Variants in SMIM36 observed in about 807,000 individuals in gnomAD.
SMIM36 encodes the protein small integral membrane protein 36.
At chr17:55,464,312 A>G (rs1909198061) in intron 4 of SMIM36, among the ~76,000 whole-genome samples, 1 of 152,136 alleles carries the variant, frequency 6.6e-6, no homozygotes. Flanking sequence ...GTTAATGAAC[A>G]AGCTCGACCT....
At chr17:55,485,502 T>G (rs935269090) in intron 1 of SMIM36, among the ~76,000 whole-genome samples, 1 of 151,450 alleles carries the variant, frequency 6.6e-6, no homozygotes, top group African/African-American at 2.4e-5. Flanking sequence ...TTGCCCTGGC[T>G]GGAGTTGAAC....
intron 1 of SMIM36, among the ~76,000 whole-genome samples, chr17:55,507,880 C>T (rs1910106366): frequency 6.6e-6 from 1 of 152,156 alleles, no homozygotes; most frequent in African/African-American, 2.4e-5. Flanking sequence ...AAAGATGATT[C>T]CTCTTTCGTC....
chr17:55,486,123 C>A (rs1448004705), intron 1 of SMIM36, among the ~76,000 whole-genome samples: 1 of 151,496 alleles, frequency 6.6e-6, no homozygotes, highest in African/African-American at 2.4e-5. Context: ...GCAACCTCGC[C>A]TCCCGGGTTC....
intron 4 of SMIM36, among the ~76,000 whole-genome samples, chr17:55,462,221 T>A (rs1481759749): frequency 6.6e-6 from 1 of 152,196 alleles, no homozygotes; most frequent in Admixed American, 6.5e-5. Context: ...TAATTAATAC[T>A]TATTAATACT....
chr17:55,485,899 A>G (rs1909597403), intron 1 of SMIM36, among the ~76,000 whole-genome samples: 1 of 152,142 alleles, frequency 6.6e-6, no homozygotes, highest in Non-Finnish European at 1.5e-5. Context: ...TAGCATCCAT[A>G]TATATTCTTA....
chr17:55,501,364 AATATATT>A (rs1304929465), intron 1 of SMIM36, among the ~76,000 whole-genome samples: 2 of 81,102 alleles, frequency 2.5e-5, no homozygotes, highest in South Asian at 6.6e-4. Context: ...TATAATATAT[AATATATT>A]ATATATTATA....
chr17:55,453,553 C>T (rs1908963151), intron 4 of SMIM36, among the ~76,000 whole-genome samples: 1 of 152,126 alleles, frequency 6.6e-6, no homozygotes, highest in African/African-American at 2.4e-5. Context: ...TATTTTTAAA[C>T]TTTTTATTCA....
intron 4 of SMIM36, among the ~76,000 whole-genome samples, chr17:55,452,268 T>C (rs1015296801): frequency 6.6e-6 from 1 of 152,192 alleles, no homozygotes; most frequent in African/African-American, 2.4e-5. Context: ...TAGAGAACTC[T>C]TGGTGTAGAA....
chr17:55,508,896 C>A (rs1160942623), intron 1 of SMIM36, among the ~76,000 whole-genome samples: 1 of 139,900 alleles, frequency 7.1e-6, no homozygotes, highest in Non-Finnish European at 1.5e-5. Flanking sequence ...GCACTTCAGC[C>A]TGGGTGATAA....
At chr17:55,528,176 T>A in the SMIM36 span, 6 of 152,258 alleles carry the variant, frequency 3.9e-5, no homozygotes. Context: ...TACATTGTGT[T>A]ATCTCATTGT....
the SMIM36 span, among the ~76,000 whole-genome samples, chr17:55,520,171 T>C: frequency 1.3e-5 from 2 of 152,224 alleles, no homozygotes; most frequent in Non-Finnish European, 1.5e-5. Context: ...GTCTTCACAT[T>C]GCCTTCTCCT....
At chr17:55,514,297 T>A (rs1278943049), upstream of SMIM36, among the ~76,000 whole-genome samples, 1 of 152,184 alleles carries the variant, frequency 6.6e-6, no homozygotes, top group African/African-American at 2.4e-5. Flanking sequence ...AATAACAAGC[T>A]GCATTTCAGA....
intron 3 of SMIM36, among the ~76,000 whole-genome samples, chr17:55,471,690 A>C (rs183818268): frequency 1.0e-3 from 155 of 152,324 alleles, no homozygotes; most frequent in South Asian, 3.5e-3. Flanking sequence ...AAGGCCCTGG[A>C]GACAGTTCCT....
chr17:55,517,492 G>A, the SMIM36 span, among the ~76,000 whole-genome samples: 7 of 152,234 alleles, frequency 4.6e-5, no homozygotes, highest in African/African-American at 1.7e-4. Context: ...GAACCTGGGA[G>A]GTGAAGGCTG....
chr17:55,526,250 C>G, the SMIM36 span, among the ~76,000 whole-genome samples: 2 of 152,126 alleles, frequency 1.3e-5, no homozygotes, highest in African/African-American at 2.4e-5. Flanking sequence ...TTCAGGCGAT[C>G]CTCTCACCTC....
intron 4 of SMIM36, among the ~76,000 whole-genome samples, chr17:55,459,844 A>T (rs1422639930): frequency 6.6e-6 from 1 of 152,112 alleles, no homozygotes; most frequent in Non-Finnish European, 1.5e-5. Flanking sequence ...AAAAAATAAA[A>T]TAAAAAGCTA....
chr17:55,471,175 C>T (rs1283191788), intron 3 of SMIM36, among the ~76,000 whole-genome samples: 1 of 152,174 alleles, frequency 6.6e-6, no homozygotes, highest in African/African-American at 2.4e-5. Flanking sequence ...CCCACCAATC[C>T]CAACAACTCA....
At chr17:55,492,755 T>C (rs952379923) in intron 1 of SMIM36, among the ~76,000 whole-genome samples, 3 of 152,178 alleles carry the variant, frequency 2.0e-5, no homozygotes, top group Admixed American at 1.3e-4. Flanking sequence ...AATGTTCTAC[T>C]AAAAATTAAG....
chr17:55,513,516 C>T (rs556610115), upstream of SMIM36, among the ~76,000 whole-genome samples: 2 of 152,340 alleles, frequency 1.3e-5, no homozygotes, highest in Admixed American at 6.5e-5. Context: ...TTGTCTGTTG[C>T]ATCTGTAAGT....
Sources: gnomAD v4.1 joint callset for allele counts (sites outside exome capture counted in the v4.1 genomes callset) on GRCh38, gnomAD v4.1.1 for gene constraint, MANE v1.5 for transcripts, NCBI Gene and HGNC (gene_info 2026-07-23, HGNC 2026-07-21) for gene names.